CNTN4: variants seen among roughly 807,000 people sequenced by gnomAD.
The protein encoded by CNTN4 is contactin 4, also known as contactin-4.
In CNTN4, 77 loss-of-function variants were observed where a neutral mutation model predicts 122.5. The observed-to-expected ratio is 0.63, with a 90% CI of 0.52 to 0.76. The LOEUF is 0.76. Among genes scored for constraint, CNTN4 ranks in the 30% least tolerant of loss-of-function variants. CNTN4 has a pLI of 0.00. For missense variants in CNTN4, 1,256 were observed against 1,259.1 expected, an observed-to-expected ratio of 1.00 and a Z score of 0.04; for synonymous variants, 512 against 447.0, an observed-to-expected ratio of 1.15 and a Z score of -1.83.
rs138309617 is a variant in CNTN4, at chr3:2,312,100, C to A, written c.-144-27078C>A. Among the ~76,000 whole-genome samples, 850 of 151,752 alleles carry A rather than the reference C, an allele frequency of 5.6e-3. 6 individuals carry two copies. The highest frequency in any genetic ancestry group is 0.019 in the African/African-American group (807 of 41,416). ...AGGTTAAGGCGGCAGGATCACTGAG[C>A]CCAGGAGTTCAAGATCAGCCTGAGT... On this transcript the variant is annotated intron_variant, in intron 2 of 24. Transcript: ENST00000418658.
At chr3:3,003,705 A>AAAAAAC (rs1696291316) in intron 14 of CNTN4, among the ~76,000 whole-genome samples, 1 of 137,174 alleles carries the variant, frequency 7.3e-6, no homozygotes, top group African/African-American at 2.8e-5. Flanking sequence ...AAAAAAAAAA[A>AAAAAAC]AAAAAAAAAC....
chr3:2,477,033 C>G (rs922265968), intron 3 of CNTN4, among the ~76,000 whole-genome samples: 1 of 152,040 alleles, frequency 6.6e-6, no homozygotes, highest in Non-Finnish European at 1.5e-5. Context: ...GCTTAGAACC[C>G]CTAACCAAGA....
At chr3:2,281,956 C>T (rs979059176) in intron 2 of CNTN4, among the ~76,000 whole-genome samples, 6 of 152,042 alleles carry the variant, frequency 3.9e-5, no homozygotes, top group Non-Finnish European at 8.8e-5. Context: ...CAGGTAATGT[C>T]TAACATTTCA....
chr3:2,632,216 T>C (rs1337058604), intron 4 of CNTN4, among the ~76,000 whole-genome samples: 1 of 152,218 alleles, frequency 6.6e-6, no homozygotes, highest in Non-Finnish European at 1.5e-5. Flanking sequence ...TGGTACATTT[T>C]CTACCTAGTG....
At chr3:2,299,031 G>T (rs910743636) in intron 2 of CNTN4, among the ~76,000 whole-genome samples, 3 of 151,730 alleles carry the variant, frequency 2.0e-5, no homozygotes, top group Non-Finnish European at 4.4e-5. Flanking sequence ...GGGGTTTTTA[G>T]CTTCTGACCT....
chr3:2,801,251 A>T (rs1400210), intron 6 of CNTN4, among the ~76,000 whole-genome samples: 137,221 of 152,228 alleles, frequency 0.9, 63,574 homozygotes, highest in East Asian at 1. Flanking sequence ...AGTTCAGTGA[A>T]TTTGTGATGT....
chr3:2,116,015 T>C (rs1329721234), intron 2 of CNTN4, among the ~76,000 whole-genome samples: 4 of 152,192 alleles, frequency 2.6e-5, no homozygotes, highest in Non-Finnish European at 1.5e-5. Flanking sequence ...TTCTCGAAGG[T>C]GCTTTATAGT....
intron 2 of CNTN4, among the ~76,000 whole-genome samples, chr3:2,128,702 A>T (rs2034302034): frequency 6.6e-6 from 1 of 152,184 alleles, no homozygotes; most frequent in Admixed American, 6.5e-5. Flanking sequence ...GTGCAAGGGG[A>T]TGTAATAGGT....
chr3:2,804,065 GCACACA>G (rs71058651), intron 6 of CNTN4, among the ~76,000 whole-genome samples: 3,244 of 144,358 alleles, frequency 0.022, 74 homozygotes, highest in African/African-American at 0.058. Context: ...ATATATGTCT[GCACACA>G]CACACACACA....
At chr3:2,767,916 T>C (rs1231155572) in intron 6 of CNTN4, among the ~76,000 whole-genome samples, 1 of 152,212 alleles carries the variant, frequency 6.6e-6, no homozygotes, top group African/African-American at 2.4e-5. Flanking sequence ...GAAGGCAGAA[T>C]TTAAAATATT....
chr3:2,257,618 G>A (rs1296426444), intron 2 of CNTN4, among the ~76,000 whole-genome samples: 1 of 152,148 alleles, frequency 6.6e-6, no homozygotes, highest in African/African-American at 2.4e-5. Context: ...CAAAAAGTGG[G>A]CAAATGATAT....
At chr3:2,289,477 T>C (rs1251900151) in intron 2 of CNTN4, among the ~76,000 whole-genome samples, 1 of 152,256 alleles carries the variant, frequency 6.6e-6, no homozygotes, top group Non-Finnish European at 1.5e-5. Context: ...GACCATATCA[T>C]GGTGCATGGC....
At chr3:2,670,288 C>G (rs1240346180) in intron 4 of CNTN4, among the ~76,000 whole-genome samples, 2 of 152,252 alleles carry the variant, frequency 1.3e-5, no homozygotes, top group East Asian at 3.9e-4. Flanking sequence ...GTATTGGGTA[C>G]ATATATATTT....
In CNTN4 at chr3:2,436,010, C is replaced by T. The variant is rs542370200; in HGVS notation, c.-89+96777C>T. On this transcript the variant is annotated intron_variant, in intron 3 of 24. Transcript: ENST00000418658. ...TTTATATCTCTATTAGAGGCAAAAG[C>T]TAGACCCTTAGTAAATGTCTGTTGA... Among the ~76,000 whole-genome samples the T allele has an allele frequency of 1.1e-4, 16 of 152,288 alleles. No homozygotes were observed. The South Asian group carries it at 3.3e-3, about 32-fold the overall frequency.
chr3:2,543,506 C>T (rs1306224600), intron 3 of CNTN4, among the ~76,000 whole-genome samples: 2 of 152,064 alleles, frequency 1.3e-5, no homozygotes, highest in Admixed American at 1.3e-4. Context: ...GGGTTTAGCA[C>T]TGGACTCTGC....
In CNTN4 at chr3:2,513,977, G is replaced by A. The variant is rs576020010; in HGVS notation, c.-88-57439G>A. Among the ~76,000 whole-genome samples the A allele has an allele frequency of 5.6e-4, 85 of 152,248 alleles. 1 individual carries two copies. The highest frequency in any genetic ancestry group is 1.5e-3 in the South Asian group (7 of 4,824). ...ATGTAAAGATAGTGCATCTCTGTAC[G>A]TGTTTGCATGCATACAAATCTACCC... On this transcript the variant is annotated intron_variant, in intron 3 of 24. Transcript: ENST00000418658.
At chr3:2,402,223 T>C (rs2046883382) in intron 3 of CNTN4, among the ~76,000 whole-genome samples, 1 of 152,044 alleles carries the variant, frequency 6.6e-6, no homozygotes, top group Non-Finnish European at 1.5e-5. Context: ...CAACATGCAG[T>C]CTAAGAGCTG....
chr3:2,436,500 T>G (rs943220438), intron 3 of CNTN4, among the ~76,000 whole-genome samples: 1 of 152,152 alleles, frequency 6.6e-6, no homozygotes, highest in Non-Finnish European at 1.5e-5. Context: ...GTATTTTCTC[T>G]TAGGTGTTTT....
intron 2 of CNTN4, among the ~76,000 whole-genome samples, chr3:2,310,385 A>C (rs1275363184): frequency 6.6e-6 from 1 of 152,192 alleles, no homozygotes; most frequent in Admixed American, 6.5e-5. Context: ...TTTCTCAGTC[A>C]GTACAGCATG....
Sources: allele counts gnomAD v4.1 joint callset (sites outside exome capture counted in the v4.1 genomes callset), GRCh38; gene constraint gnomAD v4.1.1; transcripts MANE v1.5; gene names NCBI Gene and HGNC (gene_info 2026-07-23, HGNC 2026-07-21).